Variants in WDR70 observed in about 807,000 individuals in gnomAD.
WDR70 encodes WD repeat domain 70, also known as WD repeat-containing protein 70.
In WDR70, 53 loss-of-function variants were observed where a neutral mutation model predicts 88.6. The ratio of observed to expected loss-of-function variants is 0.60; its 90% CI spans 0.48 to 0.75. The LOEUF (loss-of-function observed/expected upper bound fraction) is 0.75, where lower values mean the gene tolerates loss of function less well. WDR70 is among the 30% of genes least tolerant of loss of function. WDR70 has a pLI of 0.00. For missense variants in WDR70, 610 were observed against 823.2 expected (o/e 0.74, Z 3.17); for synonymous variants, 280 against 270.0 (o/e 1.04, Z -0.36).
At chr5:37,449,919 C>T (rs1267562393) in intron 7 of WDR70, among the ~76,000 whole-genome samples, 1 of 152,072 alleles carries the variant, frequency 6.6e-6, no homozygotes, top group Non-Finnish European at 1.5e-5. Flanking sequence ...CCTGACAGGC[C>T]CTGGTGTGTG....
rs1469612335 is a variant in WDR70, at chr5:37,396,549, A to G, written c.471A>G (p.Glu157=). 3.1e-6 allele frequency: 5 copies of G among 1,612,214 alleles called. No individual in the cohort carries two copies. In the East Asian group the frequency reaches 1.1e-4, roughly 36 times the overall value. Residue 157 remains glutamate, a synonymous_variant, in exon 5 of 18, where the codon GAA becomes GAG. Transcript: ENST00000265107. The part of the protein sequence containing the change: ...NEEEEEAEEE[E]EEEEEEENPV... ...AAGAAGAAGAAGCAGAGGAAGAAGA[A>G]GAGGAAGAGGAGGAAGAGGAAGTAA...
intron 3 of WDR70, among the ~76,000 whole-genome samples, chr5:37,385,873 G>C (rs1425210457): frequency 2.0e-5 from 3 of 151,892 alleles, no homozygotes; most frequent in African/African-American, 7.3e-5. Context: ...GTGCGATCTC[G>C]ACTCACTGCA....
At chr5:37,602,833 C>T (rs1743926147) in intron 9 of WDR70, among the ~76,000 whole-genome samples, 1 of 151,876 alleles carries the variant, frequency 6.6e-6, no homozygotes, top group African/African-American at 2.4e-5. Flanking sequence ...AAAAATTAGC[C>T]AGGCGTGGTG....
intron 3 of WDR70, among the ~76,000 whole-genome samples, chr5:37,388,392 A>G (rs1057480153): frequency 2.2e-4 from 32 of 147,878 alleles, no homozygotes; most frequent in Admixed American, 7.4e-4. Flanking sequence ...TTGGGATTAC[A>G]GGCGTGAGCC....
At chr5:37,469,451 G>A (rs1175757578) in intron 7 of WDR70, among the ~76,000 whole-genome samples, 4 of 152,182 alleles carry the variant, frequency 2.6e-5, no homozygotes, top group African/African-American at 7.2e-5. Context: ...TAGGGAATTA[G>A]CAATGGAAGC....
intron 5 of WDR70, among the ~76,000 whole-genome samples, chr5:37,408,521 C>T (rs1196355423): frequency 6.6e-6 from 1 of 152,064 alleles, no homozygotes; most frequent in Non-Finnish European, 1.5e-5. Context: ...AAGAAGCCTC[C>T]TCATTTTGAA....
chr5:37,630,032 G>A lies in WDR70; in HGVS notation c.1092+24794G>A, dbSNP rs537776746. On this transcript the variant is annotated intron_variant, in intron 10 of 17. Transcript: ENST00000265107. The stretch of plus-strand genomic sequence containing the variant: ...TAGTTGTCATAAAATTTCTTCAACC[G>A]TAATCCATACTGGGGGCATTTGAGA... Among the ~76,000 whole-genome samples, 11 of 152,240 alleles carry A rather than the reference G, an allele frequency of 7.2e-5. No homozygotes were observed. The South Asian group carries it at 1.5e-3, about 20-fold the overall frequency.
intron 10 of WDR70, among the ~76,000 whole-genome samples, chr5:37,675,818 C>T (rs1458562945): frequency 4.6e-5 from 7 of 151,984 alleles, no homozygotes; most frequent in Admixed American, 1.3e-4. Flanking sequence ...TATAAATTAC[C>T]TTGGGCAGTA....
At chr5:37,500,295 T>A (rs1255284779) in intron 8 of WDR70, among the ~76,000 whole-genome samples, 1 of 152,232 alleles carries the variant, frequency 6.6e-6, no homozygotes, top group Non-Finnish European at 1.5e-5. Context: ...TGGGTATTTT[T>A]TCATGGTGTA....
intron 7 of WDR70, among the ~76,000 whole-genome samples, chr5:37,472,475 A>G (rs895941611): frequency 6.6e-6 from 1 of 152,084 alleles, no homozygotes; most frequent in African/African-American, 2.4e-5. Context: ...TACAAATTAT[A>G]TATACAACGT....
chr5:37,437,817 C>A, intron 5 of WDR70, 105 bp from the exon 6 acceptor site: 1 of 1,114,552 alleles, frequency 9.0e-7, no homozygotes, highest in Non-Finnish European at 1.3e-6. Context: ...TGTTTAAAAA[C>A]CAATGATGCA....
At chr5:37,515,563 C>T (rs1365770941) in intron 8 of WDR70, among the ~76,000 whole-genome samples, 1 of 152,208 alleles carries the variant, frequency 6.6e-6, no homozygotes, top group African/African-American at 2.4e-5. Flanking sequence ...AATGTCAGGC[C>T]TTGGCCAGAT....
chr5:37,634,541 A>G (rs1412927494), intron 10 of WDR70, among the ~76,000 whole-genome samples: 1 of 152,138 alleles, frequency 6.6e-6, no homozygotes, highest in Non-Finnish European at 1.5e-5. Flanking sequence ...TCAGACTTAC[A>G]TTTTTTAGAA....
chr5:37,635,064 T>G (rs1466163338), intron 10 of WDR70, among the ~76,000 whole-genome samples: 1 of 152,190 alleles, frequency 6.6e-6, no homozygotes, highest in African/African-American at 2.4e-5. Flanking sequence ...GAGGTCTGAT[T>G]TTTTTCCTCT....
intron 10 of WDR70, among the ~76,000 whole-genome samples, chr5:37,638,968 A>G (rs1745040482): frequency 6.6e-6 from 1 of 152,222 alleles, no homozygotes; most frequent in South Asian, 2.1e-4. Flanking sequence ...AAATGTATCT[A>G]ACTTGATTAA....
intron 7 of WDR70, among the ~76,000 whole-genome samples, chr5:37,449,590 C>CAAAAAAAAAAAAAAAAAAAAA (rs376148041): frequency 2.3e-5 from 2 of 85,732 alleles, no homozygotes; most frequent in African/African-American, 8.6e-5. Flanking sequence ...AATTTTGTCT[C>CAAAAAAAAAAAAAAAAAAAAA]AAAAAAAAAA....
intron 17 of WDR70, among the ~76,000 whole-genome samples, chr5:37,730,130 G>A (rs114457789): frequency 2.4e-4 from 36 of 152,164 alleles, no homozygotes; most frequent in African/African-American, 7.2e-4. Flanking sequence ...AAATGTCACC[G>A]TTTTTAATAT....
At chr5:37,742,167 G>A (rs1410074623) in intron 17 of WDR70, among the ~76,000 whole-genome samples, 1 of 150,950 alleles carries the variant, frequency 6.6e-6, no homozygotes, top group African/African-American at 2.4e-5. Context: ...CCACTACACT[G>A]TTTTCCATAG....
intron 17 of WDR70, among the ~76,000 whole-genome samples, chr5:37,732,905 C>T (rs776979533): frequency 6.6e-6 from 1 of 151,902 alleles, no homozygotes; most frequent in African/African-American, 2.4e-5. Context: ...GAAGGCATCT[C>T]CCGTCCAATA....
Sources: allele counts gnomAD v4.1 joint callset (sites outside exome capture counted in the v4.1 genomes callset), GRCh38; gene constraint gnomAD v4.1.1; transcripts MANE v1.5; gene names NCBI Gene and HGNC (gene_info 2026-07-23, HGNC 2026-07-21).